Variants in CSMD1 observed in about 807,000 individuals in gnomAD.
CSMD1 encodes CUB and sushi domain-containing protein 1.
A neutral mutation model predicts 417.5 loss-of-function variants in CSMD1; 213 were observed. That is an observed-to-expected ratio of 0.51 (90% CI 0.46 to 0.57). The LOEUF is 0.57. Among genes scored for constraint, CSMD1 ranks in the 20% least tolerant of loss-of-function variants. The probability of loss-of-function intolerance (pLI) is 0.00; values close to 1 mark genes in which losing one functional copy is unlikely to be tolerated. For synonymous variants in CSMD1, 2,862 were observed against 1,736.8 expected (o/e 1.65, Z -16.11); for missense variants, 6,923 against 4,529.7 (o/e 1.53, Z -15.17).
intron 7 of CSMD1, among the ~76,000 whole-genome samples, chr8:3,620,432 A>T (rs2086585): frequency 3.3e-5 from 5 of 151,804 alleles, no homozygotes; most frequent in South Asian, 2.1e-4. Context: ...CATTTCCTAC[A>T]GTATTTAAAG....
intron 10 of CSMD1, among the ~76,000 whole-genome samples, chr8:3,571,031 G>T (rs113179723): frequency 0.012 from 1,891 of 152,234 alleles, 21 homozygotes; most frequent in Admixed American, 0.021. Context: ...AATGAATTTG[G>T]AAAGTGGAAA....
intron 26 of CSMD1, among the ~76,000 whole-genome samples, chr8:3,230,677 C>T (rs1271598245): frequency 6.6e-6 from 1 of 152,032 alleles, no homozygotes; most frequent in Non-Finnish European, 1.5e-5. Flanking sequence ...ATCCAATAAC[C>T]TTTGTTGAGA....
chr8:3,420,537 G>T (rs780883229), intron 12 of CSMD1, among the ~76,000 whole-genome samples: 16 of 149,516 alleles, frequency 1.1e-4, no homozygotes, highest in Non-Finnish European at 2.2e-4. Flanking sequence ...AGGGAAACTG[G>T]CTGTGGGGTG....
chr8:3,578,957 T>C (rs749326660), intron 9 of CSMD1, among the ~76,000 whole-genome samples: 34 of 152,244 alleles, frequency 2.2e-4, no homozygotes, highest in Non-Finnish European at 4.4e-5. Context: ...ACACAAACTA[T>C]AGTAGAATGC....
At chr8:3,687,166 G>C (rs553263056) in intron 7 of CSMD1, among the ~76,000 whole-genome samples, 3 of 152,182 alleles carry the variant, frequency 2.0e-5, no homozygotes, top group African/African-American at 7.2e-5. Flanking sequence ...ACCTCTGAAC[G>C]CACCTCCGTG....
At chr8:3,839,492 AT>A in intron 5 of CSMD1, among the ~76,000 whole-genome samples, 1 of 57,838 alleles carries the variant, frequency 1.7e-5, no homozygotes, top group East Asian at 9.2e-4. Context: ...ATATATTTAT[AT>A]ATTAATATAT....
At chr8:4,444,828 C>G (rs577093633) in intron 2 of CSMD1, among the ~76,000 whole-genome samples, 3 of 152,168 alleles carry the variant, frequency 2.0e-5, no homozygotes, top group African/African-American at 4.8e-5. Flanking sequence ...CAGCCACAAG[C>G]CTTCAGGTGC....
At chr8:4,010,823 G>C (rs1039101925) in intron 4 of CSMD1, among the ~76,000 whole-genome samples, 4 of 152,146 alleles carry the variant, frequency 2.6e-5, no homozygotes, top group Admixed American at 6.5e-5. Flanking sequence ...TTTGGTTCCA[G>C]TCTAGGCCAA....
chr8:3,102,197 T>C (rs1815804965), intron 46 of CSMD1, among the ~76,000 whole-genome samples: 1 of 152,192 alleles, frequency 6.6e-6, no homozygotes, highest in Non-Finnish European at 1.5e-5. Flanking sequence ...TTGAGCACAA[T>C]CGAATCAATC....
At position 3,332,513 on chromosome 8, in the gene CSMD1, T is replaced by C. The variant is rs563537899; in HGVS notation, c.3631+10781A>G. ...CATAATAAAACTATGCCTGTGACCA[T>C]TCAGAATGTCACCGCTGAAACCTGT... On this transcript the variant is annotated intron_variant, in intron 23 of 69. Coordinates refer to ENST00000635120, the MANE Select transcript of CSMD1 (RefSeq NM_033225.6). 3.9e-5 allele frequency among the ~76,000 whole-genome samples: 6 copies of C among 152,358 alleles called. No individual in the cohort carries two copies. The East Asian group carries it at 1.2e-3, about 29-fold the overall frequency.
intron 8 of CSMD1, among the ~76,000 whole-genome samples, chr8:3,587,525 C>T (rs1004668527): frequency 2.0e-5 from 3 of 152,056 alleles, no homozygotes; most frequent in Non-Finnish European, 4.4e-5. Context: ...TAGATGCTTT[C>T]CTTTCTTGCT....
At chr8:4,794,612 G>A (rs1030312692) in intron 1 of CSMD1, among the ~76,000 whole-genome samples, 2 of 152,120 alleles carry the variant, frequency 1.3e-5, no homozygotes, top group Non-Finnish European at 2.9e-5. Context: ...TGGGCTGCAA[G>A]GCTGATGTGC....
At chr8:4,639,729 A>T (rs1413251439) in intron 1 of CSMD1, among the ~76,000 whole-genome samples, 1 of 152,220 alleles carries the variant, frequency 6.6e-6, no homozygotes, top group Non-Finnish European at 1.5e-5. Flanking sequence ...TTATACTTAA[A>T]AAGTATTTTA....
intron 2 of CSMD1, among the ~76,000 whole-genome samples, chr8:4,499,856 G>A (rs1225017633): frequency 2.6e-5 from 4 of 152,168 alleles, no homozygotes; most frequent in African/African-American, 7.2e-5. Context: ...GCAGGTAAAT[G>A]GAAAATATCA....
chr8:2,986,388 G>C (rs1251362586), intron 54 of CSMD1, among the ~76,000 whole-genome samples: 3 of 152,150 alleles, frequency 2.0e-5, no homozygotes, highest in Non-Finnish European at 2.9e-5. Context: ...CTGCAGCTAG[G>C]ACTAGGTGGT....
At chr8:4,819,272 T>C (rs1324404569) in intron 1 of CSMD1, among the ~76,000 whole-genome samples, 1 of 152,150 alleles carries the variant, frequency 6.6e-6, no homozygotes, top group Non-Finnish European at 1.5e-5. Context: ...AAACAAAACC[T>C]CATCATTAAA....
intron 3 of CSMD1, among the ~76,000 whole-genome samples, chr8:4,180,623 GAACAA>G (rs1554483667): frequency 1.3e-5 from 2 of 151,502 alleles, no homozygotes; most frequent in African/African-American, 2.4e-5. Context: ...AAACAAAACA[GAACAA>G]AACAAAACAA....
At chr8:3,409,645 C>G (rs892630725) in intron 12 of CSMD1, 40 bp from the exon 13 acceptor site, 5 of 1,467,938 alleles carry the variant, frequency 3.4e-6, no homozygotes, top group Non-Finnish European at 4.6e-6. Flanking sequence ...AAAAAACACA[C>G]ACAAGGAATA....
At chr8:3,547,006 C>T (rs1002077633) in intron 10 of CSMD1, among the ~76,000 whole-genome samples, 1 of 152,216 alleles carries the variant, frequency 6.6e-6, no homozygotes, top group Admixed American at 6.5e-5. Context: ...GTCTCCCCTC[C>T]TGTCCACAGA....
Sources: gnomAD v4.1 joint callset for allele counts (sites outside exome capture counted in the v4.1 genomes callset) on GRCh38, gnomAD v4.1.1 for gene constraint, MANE v1.5 for transcripts, NCBI Gene and HGNC (gene_info 2026-07-23, HGNC 2026-07-21) for gene names.